Variants in SLC25A3 observed in about 807,000 individuals in gnomAD.
The protein encoded by SLC25A3 is phosphate transport protein.
A neutral mutation model predicts 37.1 loss-of-function variants in SLC25A3; 14 were observed. The ratio of observed to expected loss-of-function variants is 0.38; its 90% CI spans 0.25 to 0.59. The LOEUF (loss-of-function observed/expected upper bound fraction) is 0.59. Among genes scored for constraint, SLC25A3 ranks in the 20% least tolerant of loss-of-function variants. The probability of loss-of-function intolerance (pLI) is 0.67; values close to 1 mark genes in which losing one functional copy is unlikely to be tolerated. For synonymous variants in SLC25A3, 161 were observed against 168.7 expected, an observed-to-expected ratio of 0.95 and a Z score of 0.36; for missense variants, 385 against 458.1, an observed-to-expected ratio of 0.84 and a Z score of 1.46.
chr12:98,601,259 C>A lies in SLC25A3; in HGVS notation c.903C>A (p.Val301=). The A allele has an allele frequency of 1.2e-6, 2 of 1,613,962 alleles. No individual in the cohort carries two copies. The highest frequency in any genetic ancestry group is 1.1e-5 in the South Asian group (1 of 91,054). The change falls in exon 7 of 8, where the codon GTC becomes GTA. Residue 301 remains valine (V), a synonymous_variant. Transcript: ENST00000552981. ...NKEKGSSASL[V]LKRLGFKGVW... The stretch of plus-strand genomic sequence containing the variant: ...AAAAAGGTAGCAGTGCTTCTCTGGT[C>A]CTCAAGAGACTTGGATTTAAAGGTA...
rs762426393 is a variant in SLC25A3 at position 98,599,935 on chromosome 12, C to G, written c.642-20C>G. ...GATGAGTGTATGCAACTGTGTAAAACAAGTCTCTTGATTTCCTAGATTCTA... is the reference window on the plus strand; with the variant it reads ...GATGAGTGTATGCAACTGTGTAAAAGAAGTCTCTTGATTTCCTAGATTCTA... On this transcript the variant is annotated intron_variant, in intron 5 of 7. Transcript: ENST00000552981. 17 of 1,613,194 alleles carry G rather than the reference C, an allele frequency of 1.1e-5. No individual in the cohort carries two copies. The South Asian group carries it at 1.8e-4, about 17-fold the overall frequency.
chr12:98,594,279 G>T, intron 2 of SLC25A3, 144 bp downstream of exon 2: 1 of 749,576 alleles, frequency 1.3e-6, no homozygotes, highest in South Asian at 1.5e-5. Context: ...TTGCCCTGGG[G>T]TATCGGCCTT....
chr12:98,593,893 G>A (rs1014798508), intron 1 of SLC25A3, 82 bp from the exon 2 acceptor site: 166 of 1,521,762 alleles, frequency 1.1e-4, no homozygotes, highest in Non-Finnish European at 1.4e-4. Flanking sequence ...GGAAGGAAAA[G>A]GCCCCGGTTG....
Position 98,604,125 on chromosome 12 carries a change from G to C in SLC25A3, c.*2597G>C, listed in dbSNP as rs898307305. ...AAAATTAGCTGCGGTGGTGGTGCGT[G>C]CCTGTAATCCCAGCTACTCAGGAGG... On this transcript the variant is annotated 3_prime_UTR_variant, in exon 8 of 8. Coordinates refer to ENST00000552981, the MANE Select transcript of SLC25A3 (RefSeq NM_002635.4). 7.2e-5 allele frequency: 11 copies of C among 151,830 alleles called. No individual in the cohort carries two copies. Among genetic ancestry groups the C allele is most frequent in the Non-Finnish European group, 1.3e-4 (9 of 68,004 alleles). The allele number at this position is 151,830 out of a possible 1,614,324, so 9.4% of individuals were successfully genotyped here.
intron 3 of SLC25A3, 171 bp from the exon 4 acceptor site, chr12:98,597,685 A>C: frequency 1.2e-6 from 1 of 866,452 alleles, no homozygotes; most frequent in East Asian, 2.8e-5. Flanking sequence ...CAGCCTCCCA[A>C]AGTGCTGGGA....
At position 98,600,099 on chromosome 12, in the gene SLC25A3, G is replaced by T; in HGVS notation, c.786G>T (p.Leu262=). 6.2e-7 allele frequency: 1 copy of T among 1,613,358 alleles called. No homozygotes were observed. ...GTGAATGTTCAAAGCCAGAGCAGCT[G>T]GTTGTAACATTTGTAGCAGGTTACA... The part of the protein sequence containing the change: ...PRSECSKPEQ[L]VVTFVAGYIA... The change falls in exon 6 of 8, where the codon CTG becomes CTT. Residue 262 remains leucine, a synonymous_variant. Transcript: ENST00000552981.
At position 98,595,789 on chromosome 12, in the gene SLC25A3, A is replaced by T; in HGVS notation, c.220A>T (p.Ser74Cys). The T allele has an allele frequency of 1.2e-6, 2 of 1,614,218 alleles. No individual in the cohort carries two copies. Among genetic ancestry groups the T allele is most frequent in the Non-Finnish European group, 1.7e-6 (2 of 1,180,032 alleles). Residue 74 changes from serine to cysteine, a missense_variant, in exon 3 of 8, where the codon AGT (serine) becomes TGT (cysteine). Around this residue, in one of 2 missense-constraint regions of SLC25A3, gnomAD observed 276 missense variants for 367.6 expected, o/e 0.75. Coordinates refer to ENST00000552981, the MANE Select transcript of SLC25A3 (RefSeq NM_002635.4). ...YALCGFGGVL[S>C]CGLTHTAVVP... ...ACTGTGTGGCTTTGGTGGGGTCTTA[A>T]GTTGTGGTCTGACACACACTGCTGT...
At chr12:98,599,062 CTT>C (rs572119358) in intron 5 of SLC25A3, among the ~76,000 whole-genome samples, 1 of 133,918 alleles carries the variant, frequency 7.5e-6, no homozygotes, top group Admixed American at 7.6e-5. Context: ...CACCCGGCTT[CTT>C]TTTTTTTTTT....
Position 98,602,941 on chromosome 12 carries a change from G to GT in SLC25A3, c.*1415dup, listed in dbSNP as rs2153289060. ...TAGAAGCCAGTGCAGCTAGTTGCATGTTAACTTCTTTATATCATCATTGCC... is the reference window on the plus strand; with the variant it reads ...TAGAAGCCAGTGCAGCTAGTTGCATGTTTAACTTCTTTATATCATCATTGCC... On this transcript the variant is annotated 3_prime_UTR_variant, in exon 8 of 8. Transcript: ENST00000552981. The GT allele has an allele frequency of 6.6e-6, 1 of 152,316 alleles. No homozygotes were observed. The highest frequency in any genetic ancestry group is 1.5e-5 in the Non-Finnish European group (1 of 68,030). 9.4% of individuals were successfully genotyped at this position (152,316 alleles called of 1,614,324 possible).
At position 98,603,926 on chromosome 12, in the gene SLC25A3, G is replaced by C. The variant is rs754352615; in HGVS notation, c.*2398G>C. The C allele has an allele frequency of 2.0e-5, 3 of 152,042 alleles. No homozygotes were observed. Among genetic ancestry groups the C allele is most frequent in the Admixed American group, 2.0e-4 (3 of 15,260 alleles). 9.4% of individuals were successfully genotyped at this position (152,042 alleles called of 1,614,324 possible). A position where few individuals can be genotyped will look rare whatever the true frequency, so the allele number is the denominator to read the frequency against. ...CATTTCATTTAATGAAATGTCTACTGTCAATACGATAAAGCAGAACCCAGT... is the reference window on the plus strand; with the variant it reads ...CATTTCATTTAATGAAATGTCTACTCTCAATACGATAAAGCAGAACCCAGT... On this transcript the variant is annotated 3_prime_UTR_variant, in exon 8 of 8. Transcript: ENST00000552981.
chr12:98,598,643 G>A lies in SLC25A3; in HGVS notation c.581G>A (p.Gly194Asp). The A allele has an allele frequency of 1.2e-6, 2 of 1,614,136 alleles. No individual in the cohort carries two copies. Among genetic ancestry groups the A allele is most frequent in the Non-Finnish European group, 8.5e-7 (1 of 1,180,016 alleles). Residue 194 changes from glycine (G) to aspartate (D), a missense_variant, in exon 5 of 8, where the codon GGT (glycine) becomes GAT (aspartate). Physicochemically the swap from Gly to Asp is moderately conservative, Grantham distance 94. Coordinates refer to ENST00000552981, the MANE Select transcript of SLC25A3 (RefSeq NM_002635.4). ...AAKVRIQTQP[G>D]YANTLRDAAP... ...AAGGTTCGAATTCAAACCCAGCCAG[G>A]TTATGCCAACACTTTGAGGGATGCA...
At chr12:98,594,543 C>T (rs2097591355) in intron 2 of SLC25A3, 1 of 594,792 alleles carries the variant, frequency 1.7e-6, no homozygotes, top group South Asian at 2.0e-5. Context: ...AAAAATAGTC[C>T]TTTCCTAAGT....
chr12:98,601,056 C>G, intron 6 of SLC25A3, 115 bp from the exon 7 acceptor site: 1 of 1,225,460 alleles, frequency 8.2e-7, no homozygotes, highest in Non-Finnish European at 1.2e-6. Context: ...CACCCTGAGT[C>G]TGATTTTTAT....
chr12:98,597,966 C>G lies in SLC25A3; in HGVS notation c.390C>G (p.Ser130=), dbSNP rs912449896. 3.1e-6 allele frequency: 5 copies of G among 1,613,900 alleles called. No individual in the cohort carries two copies. In the African/African-American group the frequency reaches 6.7e-5, roughly 22 times the overall value. The part of the protein sequence containing the change: ...KGWAPTFLGY[S]MQGLCKFGFY... Reference sequence around the variant, plus strand: ...GGGCTCCGACTTTCCTTGGCTACTCCATGCAGGGACTCTGCAAGTTTGGCT... The same window carrying G: ...GGGCTCCGACTTTCCTTGGCTACTCGATGCAGGGACTCTGCAAGTTTGGCT... Residue 130 remains serine (S), a synonymous_variant, in exon 4 of 8, where the codon TCC becomes TCG. Coordinates refer to ENST00000552981, the MANE Select transcript of SLC25A3 (RefSeq NM_002635.4).
rs767543325 is a variant in SLC25A3, at chr12:98,601,492, A to G, written c.1050A>G (p.Pro350=). The change falls in exon 8 of 8, where the codon CCA becomes CCG. Residue 350 remains proline, a synonymous_variant. Transcript: ENST00000552981. ...RLPRPPPPEM[P]ESLKKKLGLT... is the part of the protein sequence containing the mutation. Reference sequence around the variant, plus strand: ...CTCGCCCTCCTCCACCCGAGATGCCAGAGTCTCTGAAGAAGAAGCTTGGGT... The same window carrying G: ...CTCGCCCTCCTCCACCCGAGATGCCGGAGTCTCTGAAGAAGAAGCTTGGGT... 2.5e-6 allele frequency: 4 copies of G among 1,614,034 alleles called. No individual in the cohort carries two copies. Among genetic ancestry groups the G allele is most frequent in the Non-Finnish European group, 3.4e-6 (4 of 1,179,898 alleles).
intron 4 of SLC25A3, 121 bp from the exon 5 acceptor site, chr12:98,598,401 C>A: frequency 6.8e-7 from 1 of 1,466,684 alleles, no homozygotes; most frequent in Non-Finnish European, 9.4e-7. Flanking sequence ...CATATATATT[C>A]CATATCATCG....
In SLC25A3 at chr12:98,602,800, G is replaced by A. The variant is rs762968738; in HGVS notation, c.*1272G>A. On this transcript the variant is annotated 3_prime_UTR_variant, in exon 8 of 8. Coordinates refer to ENST00000552981, the MANE Select transcript of SLC25A3 (RefSeq NM_002635.4). ...TACCTAGAGTCCTTATGTGTAATAC[G>A]TGGGTTGGTTAACAGTCCCTACGTA... is the stretch of plus-strand genomic sequence containing the variant. 1.3e-5 allele frequency: 2 copies of A among 152,200 alleles called. No individual in the cohort carries two copies. Among genetic ancestry groups the A allele is most frequent in the Non-Finnish European group, 2.9e-5 (2 of 68,044 alleles). 9.4% of individuals were successfully genotyped at this position (152,200 alleles called of 1,614,324 possible).
intron 2 of SLC25A3, chr12:98,594,404 CTCTT>C: frequency 1.4e-6 from 1 of 696,546 alleles, no homozygotes; most frequent in East Asian, 2.7e-5. Context: ...CCGTGACTAG[CTCTT>C]TCTCCGCCGT....
In SLC25A3 at chr12:98,593,990, C is replaced by A; in HGVS notation, c.12C>A (p.Ser4=). 6.2e-7 allele frequency: 1 copy of A among 1,613,904 alleles called. No homozygotes were observed. Among genetic ancestry groups the A allele is most frequent in the Non-Finnish European group, 8.5e-7 (1 of 1,179,880 alleles). The change falls in exon 2 of 8, where the codon TCC becomes TCA. Residue 4 remains serine, a synonymous_variant. Coordinates refer to ENST00000552981, the MANE Select transcript of SLC25A3 (RefSeq NM_002635.4). ...CCTCCCCTAGAAAGATGTTCTCGTCCGTGGCGCACCTGGCGCGGGCGAACC... is the reference window on the plus strand; with the variant it reads ...CCTCCCCTAGAAAGATGTTCTCGTCAGTGGCGCACCTGGCGCGGGCGAACC... MFS[S]VAHLARANPF...
Sources: gnomAD v4.1 joint callset for allele counts (sites outside exome capture counted in the v4.1 genomes callset) on GRCh38, gnomAD v4.1.1 for gene constraint, gnomAD v4.1.1 regional missense constraint, MANE v1.5 for transcripts, NCBI Gene and HGNC (gene_info 2026-07-23, HGNC 2026-07-21) for gene names.